SH2D4A: variants seen among roughly 807,000 people sequenced by gnomAD.
SH2D4A encodes SH2 domain-containing protein 4A.
In SH2D4A, 70 loss-of-function variants were observed where a neutral mutation model predicts 64.7. That is an observed-to-expected ratio of 1.08 (90% CI 0.89 to 1.32). The LOEUF is 1.32. SH2D4A is among the 40% of genes most tolerant of loss of function. SH2D4A has a pLI of 0.00. For missense variants in SH2D4A, 706 were observed against 540.1 expected (o/e 1.31, Z -3.04); for synonymous variants, 268 against 200.7 (o/e 1.34, Z -2.83).
chr8:19,360,369 C>T (rs1388693325), intron 5 of SH2D4A, among the ~76,000 whole-genome samples: 1 of 149,850 alleles, frequency 6.7e-6, no homozygotes, highest in Admixed American at 6.7e-5. Context: ...AATCACAGCA[C>T]TTTGGGAGGC....
At chr8:19,334,552 C>G (rs2052413884) in intron 3 of SH2D4A, 134 bp from the exon 4 acceptor site, 1 of 915,662 alleles carries the variant, frequency 1.1e-6, no homozygotes, top group South Asian at 1.8e-5. Context: ...AGCAAAGGGC[C>G]CAGCATGTTA....
chr8:19,331,219 A>G (rs2052360798), intron 2 of SH2D4A, among the ~76,000 whole-genome samples: 1 of 152,220 alleles, frequency 6.6e-6, no homozygotes, highest in African/African-American at 2.4e-5. Context: ...ACAGTACAAA[A>G]GTCAAGAATA....
At chr8:19,387,773 C>A (rs2053415381) in intron 8 of SH2D4A, among the ~76,000 whole-genome samples, 2 of 152,188 alleles carry the variant, frequency 1.3e-5, no homozygotes, top group Admixed American at 6.5e-5. Flanking sequence ...TGTCCCTGAT[C>A]TGTATAATGC....
chr8:19,367,590 T>C (rs574168732), intron 7 of SH2D4A, among the ~76,000 whole-genome samples: 56 of 152,318 alleles, frequency 3.7e-4, no homozygotes, highest in African/African-American at 1.2e-3. Context: ...TATTTGTTTT[T>C]TTGCTATTGA....
intron 4 of SH2D4A, among the ~76,000 whole-genome samples, chr8:19,352,025 C>T (rs978309775): frequency 3.9e-5 from 6 of 152,114 alleles, no homozygotes; most frequent in South Asian, 2.1e-4. Context: ...TCAGGTGATC[C>T]GCCTGCCTCA....
chr8:19,357,643 C>G (rs2052814103), intron 5 of SH2D4A, among the ~76,000 whole-genome samples: 1 of 152,154 alleles, frequency 6.6e-6, no homozygotes, highest in Admixed American at 6.5e-5. Flanking sequence ...TACTTCTGTG[C>G]TCTTTGTTTC....
intron 2 of SH2D4A, among the ~76,000 whole-genome samples, chr8:19,320,065 T>C (rs2052162319): frequency 6.6e-6 from 1 of 152,218 alleles, no homozygotes; most frequent in Non-Finnish European, 1.5e-5. Flanking sequence ...AATATGCTAC[T>C]ACTAGAACAC....
At chr8:19,373,412 G>GTA (rs1336794684) in intron 7 of SH2D4A, 118 bp from the exon 8 acceptor site, 1 of 559,246 alleles carries the variant, frequency 1.8e-6, no homozygotes, top group Non-Finnish European at 2.7e-6. Context: ...AGACATGCAT[G>GTA]TATATATATG....
intron 4 of SH2D4A, among the ~76,000 whole-genome samples, chr8:19,347,535 G>A (rs753793616): frequency 1.3e-5 from 2 of 152,190 alleles, no homozygotes; most frequent in Non-Finnish European, 2.9e-5. Context: ...AAGCTCCTCT[G>A]TGTTTCTCCG....
chr8:19,373,412 GTATA>G (rs1336794684), intron 7 of SH2D4A, 114 bp from the exon 8 acceptor site: 1 of 559,150 alleles, frequency 1.8e-6, no homozygotes, highest in East Asian at 3.3e-5. Context: ...AGACATGCAT[GTATA>G]TATATGCATG....
At chr8:19,338,947 G>A (rs897726559) in intron 4 of SH2D4A, among the ~76,000 whole-genome samples, 3 of 152,150 alleles carry the variant, frequency 2.0e-5, no homozygotes, top group Admixed American at 6.5e-5. Context: ...TGACTCACAC[G>A]ATCACAAGGT....
chr8:19,313,696 T>C lies in SH2D4A; in HGVS notation c.-332T>C, dbSNP rs2052033519. 1.4e-6 allele frequency: 2 copies of C among 1,428,554 alleles called. No homozygotes were observed. 88.5% of individuals were successfully genotyped at this position (1,428,554 alleles called of 1,614,324 possible). On this transcript the variant is annotated 5_prime_UTR_variant, in exon 1 of 10. Transcript: ENST00000265807. ...GCTGTTTTGCGTCCGGGCCGGAGTA[T>C]TTGCTCAGCCCGCCTGCGCCGCTTG...
chr8:19,364,491 T>G (rs2052955043), intron 7 of SH2D4A, among the ~76,000 whole-genome samples: 1 of 152,126 alleles, frequency 6.6e-6, no homozygotes, highest in South Asian at 2.1e-4. Context: ...TGTCCATAGC[T>G]GTTATACTTA....
Position 19,314,033 on chromosome 8 carries a change from GTC to G in SH2D4A, c.-205+211_-205+212del, listed in dbSNP as rs1417457260. On this transcript the variant is annotated intron_variant, in intron 1 of 9. Coordinates refer to ENST00000265807, the MANE Select transcript of SH2D4A (RefSeq NM_022071.4). ...GGCGGCGAGAGCGGCCGCGGCGGGT[GTC>G]CGGTGTCCGGTGTCCGGTGTCCGGT... The G allele has an allele frequency of 1.6e-4, 3 of 19,118 alleles. No individual in the cohort carries two copies. The African/African-American group carries it at 9.6e-3, about 61-fold the overall frequency. The allele number at this position is 19,118 out of a possible 1,614,324, so 1.2% of individuals were successfully genotyped here. A position where few individuals can be genotyped will look rare whatever the true frequency, so the allele number is the denominator to read the frequency against.
chr8:19,330,567 T>C (rs1003555305), intron 2 of SH2D4A, among the ~76,000 whole-genome samples: 5 of 152,174 alleles, frequency 3.3e-5, no homozygotes, highest in African/African-American at 4.8e-5. Context: ...ACTGCTCACA[T>C]GCAGTCCTAG....
chr8:19,337,496 C>T (rs546914248), intron 4 of SH2D4A, among the ~76,000 whole-genome samples: 2 of 151,960 alleles, frequency 1.3e-5, no homozygotes, highest in African/African-American at 4.8e-5. Context: ...AGGGTGGATC[C>T]TAAATCCCAA....
intron 2 of SH2D4A, 22 bp downstream of exon 2, chr8:19,319,750 C>T (rs769002221): frequency 6.5e-7 from 1 of 1,543,514 alleles, no homozygotes; most frequent in Non-Finnish European, 8.7e-7. Flanking sequence ...CACGTTTCTT[C>T]TGTGGATGTG....
chr8:19,369,262 G>T (rs958406100), intron 7 of SH2D4A, among the ~76,000 whole-genome samples: 1 of 151,986 alleles, frequency 6.6e-6, no homozygotes, highest in African/African-American at 2.4e-5. Flanking sequence ...TTGTATCTAT[G>T]TTCATCATCA....
intron 7 of SH2D4A, among the ~76,000 whole-genome samples, chr8:19,372,303 T>C (rs2053115593): frequency 1.3e-5 from 2 of 152,124 alleles, no homozygotes; most frequent in South Asian, 4.1e-4. Flanking sequence ...CCAAGGGCTC[T>C]ATGATTTACA....
Sources: allele counts gnomAD v4.1 joint callset (sites outside exome capture counted in the v4.1 genomes callset), GRCh38; gene constraint gnomAD v4.1.1; transcripts MANE v1.5; gene names NCBI Gene and HGNC (gene_info 2026-07-23, HGNC 2026-07-21).